Variants in ZNF420 observed in about 807,000 individuals in gnomAD.
ZNF420 encodes ATM and p53-associated KZNF protein.
In ZNF420, 31 loss-of-function variants were observed where a neutral mutation model predicts 44.7. The ratio of observed to expected loss-of-function variants is 0.69; its 90% confidence interval spans 0.52 to 0.94. The LOEUF (loss-of-function observed/expected upper bound fraction) is 0.94. ZNF420 is among the 40% of genes least tolerant of loss of function. The probability of loss-of-function intolerance (pLI) is 0.00; values close to 1 mark genes in which losing one functional copy is unlikely to be tolerated. For missense variants in ZNF420, 681 were observed against 827.9 expected (o/e 0.82, Z 2.18); for synonymous variants, 245 against 267.4 (o/e 0.92, Z 0.82).
rs143382900 is a variant in ZNF420 at position 37,021,477 on chromosome 19, G to T, written c.-125+13395G>T. On this transcript the variant is annotated intron_variant, in intron 1 of 4. Transcript: ENST00000587029. ...AGATGGGGTGTCTCCATGTTGGTCA[G>T]GCTGGTCTCTAACTCTTGATCTCAG... 6.4e-4 allele frequency among the ~76,000 whole-genome samples: 98 copies of T among 152,118 alleles called. 2 individuals are homozygous for T. In the East Asian group the frequency reaches 0.019, roughly 29 times the overall value.
chr19:37,074,267 T>C (rs896577542), upstream of ZNF420, among the ~76,000 whole-genome samples: 19 of 152,322 alleles, frequency 1.2e-4, no homozygotes, highest in African/African-American at 4.3e-4. Context: ...TTTAGTATCA[T>C]TGGTAATGGA....
intron 1 of ZNF420, among the ~76,000 whole-genome samples, chr19:37,012,792 G>T (rs1420284186): frequency 6.7e-6 from 1 of 150,236 alleles, no homozygotes; most frequent in Non-Finnish European, 1.5e-5. Flanking sequence ...GTGTGTGTGT[G>T]TGTGTGTGTG....
intron 4 of ZNF420, among the ~76,000 whole-genome samples, chr19:37,114,629 C>T (rs1970559938): frequency 6.6e-6 from 1 of 152,178 alleles, no homozygotes; most frequent in Non-Finnish European, 1.5e-5. Context: ...TTATAGTCAA[C>T]ATTTTGCATT....
chr19:37,042,700 A>T (rs554128680), intron 1 of ZNF420, among the ~76,000 whole-genome samples: 1 of 152,224 alleles, frequency 6.6e-6, no homozygotes, highest in East Asian at 1.9e-4. Flanking sequence ...TTTATTATGC[A>T]TGTTTTTGCT....
chr19:37,060,226 G>C (rs1023535372), intron 1 of ZNF420, among the ~76,000 whole-genome samples: 4 of 152,164 alleles, frequency 2.6e-5, no homozygotes, highest in African/African-American at 7.2e-5. Flanking sequence ...TCCTAAAGGA[G>C]GGAAGTAGAC....
intron 4 of ZNF420, among the ~76,000 whole-genome samples, chr19:37,125,741 C>G (rs1002289826): frequency 2.0e-5 from 3 of 152,016 alleles, no homozygotes; most frequent in Non-Finnish European, 4.4e-5. Context: ...ATACAAAATC[C>G]AATAAAGATT....
intron 1 of ZNF420, among the ~76,000 whole-genome samples, chr19:37,048,938 T>C (rs1293558161): frequency 1.2e-4 from 17 of 145,258 alleles, no homozygotes; most frequent in Non-Finnish European, 1.4e-4. Context: ...CATTGTTCAA[T>C]TCCCACCTAT....
At chr19:37,101,177 G>A (rs562788608) in intron 4 of ZNF420, among the ~76,000 whole-genome samples, 32 of 152,028 alleles carry the variant, frequency 2.1e-4, no homozygotes, top group Non-Finnish European at 4.0e-4. Context: ...GACACGTGAT[G>A]TCTGTGCACT....
rs1212690403 is a variant in ZNF420 at position 37,127,293 on chromosome 19, A to G, written c.302A>G (p.Glu101Gly). The change falls in exon 5 of 5, where the codon GAA becomes GGA. Residue 101 changes from glutamate (E) to glycine (G), a missense_variant. Physicochemically the swap from Glu to Gly is moderately conservative, Grantham distance 98. Around this residue, in one of 3 missense-constraint regions of ZNF420, gnomAD observed 350 missense variants for 382.5 expected, o/e 0.92. Transcript: ENST00000337995. The stretch of plus-strand genomic sequence containing the variant: ...AAAGGCAAGATGGAGAAGCAACAAG[A>G]AAATCAGAAGGAATATTTCAGGCAA... ...EAKGKMEKQQ[E>G]NQKEYFRQGM... The G allele has an allele frequency of 6.2e-7, 1 of 1,613,486 alleles. No individual in the cohort carries two copies. Among genetic ancestry groups the G allele is most frequent in the Non-Finnish European group, 8.5e-7 (1 of 1,179,754 alleles).
chr19:37,034,081 T>A (rs1384248787), intron 1 of ZNF420, among the ~76,000 whole-genome samples: 1 of 152,052 alleles, frequency 6.6e-6, no homozygotes, highest in Non-Finnish European at 1.5e-5. Context: ...TTTTTTAATT[T>A]AGGAACCACT....
At chr19:37,098,781 A>G (rs558249592) in intron 4 of ZNF420, among the ~76,000 whole-genome samples, 1 of 152,180 alleles carries the variant, frequency 6.6e-6, no homozygotes, top group Non-Finnish European at 1.5e-5. Flanking sequence ...GCAATAGTAC[A>G]TCAGAACTTA....
rs1240283397 is a variant in ZNF420 at position 37,059,683 on chromosome 19, C to T, written c.-124-20662C>T. On this transcript the variant is annotated intron_variant, in intron 1 of 4. Transcript: ENST00000587029. ...TCTCGAGGACAGGTCTGCCTGTGTG[C>T]TCGTGGGCCGCCCTCTCACCTGAGG... is the stretch of plus-strand genomic sequence containing the variant. 2.0e-5 allele frequency among the ~76,000 whole-genome samples: 3 copies of T among 152,144 alleles called. No homozygotes were observed. In the East Asian group the frequency reaches 5.8e-4, roughly 30 times the overall value.
intron 1 of ZNF420, among the ~76,000 whole-genome samples, chr19:37,060,157 C>T (rs961850785): frequency 6.6e-5 from 10 of 152,246 alleles, no homozygotes; most frequent in African/African-American, 2.4e-4. Flanking sequence ...GTGGTCTATT[C>T]TCTAGAATCA....
At chr19:37,048,878 C>T (rs1480204370) in intron 1 of ZNF420, among the ~76,000 whole-genome samples, 1 of 142,540 alleles carries the variant, frequency 7.0e-6, no homozygotes, top group Admixed American at 7.1e-5. Context: ...TCCCCCACCC[C>T]ACAACAGGCC....
intron 4 of ZNF420, among the ~76,000 whole-genome samples, chr19:37,113,752 G>C (rs969535327): frequency 6.6e-6 from 1 of 152,118 alleles, no homozygotes; most frequent in African/African-American, 2.4e-5. Flanking sequence ...AATTAGTAGT[G>C]CTCCAATTTT....
chr19:37,115,515 A>G (rs559204281), intron 4 of ZNF420, among the ~76,000 whole-genome samples: 8 of 152,006 alleles, frequency 5.3e-5, no homozygotes, highest in Non-Finnish European at 8.8e-5. Flanking sequence ...CTGTGCCTTG[A>G]TGTACATGTA....
chr19:37,051,069 G>C (rs558455744), intron 1 of ZNF420, among the ~76,000 whole-genome samples: 150 of 152,302 alleles, frequency 9.8e-4, no homozygotes, highest in African/African-American at 3.5e-3. Flanking sequence ...CAGGGATGAA[G>C]CCCACTTGAT....
At chr19:37,067,896 T>C (rs1417802794) in intron 1 of ZNF420, among the ~76,000 whole-genome samples, 1 of 152,232 alleles carries the variant, frequency 6.6e-6, no homozygotes, top group Non-Finnish European at 1.5e-5. Flanking sequence ...GTCTAAATAG[T>C]ATTTTTATTT....
At chr19:37,016,383 G>A (rs562835671) in intron 1 of ZNF420, among the ~76,000 whole-genome samples, 1 of 152,172 alleles carries the variant, frequency 6.6e-6, no homozygotes, top group African/African-American at 2.4e-5. Flanking sequence ...ATCCGGTGTG[G>A]GGTTTGGGGT....
Sources: gnomAD v4.1 joint callset for allele counts (sites outside exome capture counted in the v4.1 genomes callset) on GRCh38, gnomAD v4.1.1 for gene constraint, gnomAD v4.1.1 regional missense constraint, MANE v1.5 for transcripts, NCBI Gene and HGNC (gene_info 2026-07-23, HGNC 2026-07-21) for gene names.